Variants in GAD2 observed in about 807,000 individuals in gnomAD.
GAD2 encodes glutamate decarboxylase 2, also known as 65 kDa glutamic acid decarboxylase.
Under a neutral mutation model 80.1 loss-of-function variants are expected in GAD2, and 22 were observed. The observed-to-expected ratio is 0.27, with a 90% CI of 0.20 to 0.39. The LOEUF (loss-of-function observed/expected upper bound fraction) is 0.39. GAD2 is among the 10% of genes least tolerant of loss of function. The pLI, the probability that GAD2 is intolerant of heterozygous loss-of-function variation, is 1.00. For missense variants in GAD2, 624 were observed against 738.4 expected, an observed-to-expected ratio of 0.85 and a Z score of 1.80; for synonymous variants, 274 against 256.9, an observed-to-expected ratio of 1.07 and a Z score of -0.64.
In GAD2 at chr10:26,301,520, A is replaced by C. The variant is rs1046153025; in HGVS notation, c.*559A>C. Reference sequence around the variant, plus strand: ...TTTGTAACATATAGATTTTTATTTTATATAGGTTATACAAACTGCGGGGGC... The same window carrying C: ...TTTGTAACATATAGATTTTTATTTTCTATAGGTTATACAAACTGCGGGGGC... On this transcript the variant is annotated 3_prime_UTR_variant, in exon 16 of 16. Coordinates refer to ENST00000376261, the MANE Select transcript of GAD2 (RefSeq NM_001134366.2). The C allele has an allele frequency of 6.6e-6, 1 of 152,142 alleles. No individual in the cohort carries two copies. The highest frequency in any genetic ancestry group is 6.5e-5 in the Admixed American group (1 of 15,270). The allele number at this position is 152,142 out of a possible 1,614,324, so 9.4% of individuals were successfully genotyped here.
chr10:26,233,839 C>A (rs1844635729), intron 7 of GAD2, among the ~76,000 whole-genome samples: 1 of 152,158 alleles, frequency 6.6e-6, no homozygotes, highest in East Asian at 1.9e-4. Flanking sequence ...GGAGGGGCTG[C>A]TGTGTTGACT....
intron 11 of GAD2, 36 bp from the exon 12 acceptor site, chr10:26,280,973 G>T: frequency 6.6e-7 from 1 of 1,515,490 alleles, no homozygotes. Context: ...CTGTCAGGGT[G>T]GAGTGCCACC....
At chr10:26,285,260 C>T (rs2132315133) in intron 12 of GAD2, among the ~76,000 whole-genome samples, 1 of 152,304 alleles carries the variant, frequency 6.6e-6, no homozygotes, top group East Asian at 1.9e-4. Context: ...CTCCGTCTTT[C>T]AAAACCAAAT....
chr10:26,288,745 A>C lies in GAD2; in HGVS notation c.1386+2251A>C, dbSNP rs948189596. On this transcript the variant is annotated intron_variant, in intron 13 of 15. Coordinates refer to ENST00000376261, the MANE Select transcript of GAD2 (RefSeq NM_001134366.2). ...TCCCCTGTGGTGTTTTTATTACGGT[A>C]ATGATCATCAGTGATATTTATAGGA... Among the ~76,000 whole-genome samples the C allele has an allele frequency of 2.1e-4, 32 of 152,204 alleles. 1 individual carries two copies. Among genetic ancestry groups the C allele is most frequent in the African/African-American group, 7.7e-4 (32 of 41,460 alleles).
intron 8 of GAD2, among the ~76,000 whole-genome samples, chr10:26,261,850 T>A (rs1845012938): frequency 6.6e-6 from 1 of 152,182 alleles, no homozygotes; most frequent in South Asian, 2.1e-4. Flanking sequence ...CTTTTAGACA[T>A]CAATTGAGAT....
Position 26,217,709 on chromosome 10 carries a change from G to C in GAD2, c.136+40G>C, listed in dbSNP as rs1242652089. On this transcript the variant is annotated intron_variant, in intron 2 of 15. Transcript: ENST00000376261. The surrounding 1 kb of genome is among the most constrained non-coding windows in gnomAD (Gnocchi z 4.9). ...ACCGGGGCGGCCAAGGTCGGCCCGCGGGGTCCAAGCAGTCTTCTCACCTCC... is the reference window on the plus strand; with the variant it reads ...ACCGGGGCGGCCAAGGTCGGCCCGCCGGGTCCAAGCAGTCTTCTCACCTCC... 6.2e-7 allele frequency: 1 copy of C among 1,606,062 alleles called. No individual in the cohort carries two copies. The highest frequency in any genetic ancestry group is 8.5e-7 in the Non-Finnish European group (1 of 1,175,858).
chr10:26,240,401 T>G (rs1053640195), intron 7 of GAD2, among the ~76,000 whole-genome samples: 3 of 152,172 alleles, frequency 2.0e-5, no homozygotes, highest in Admixed American at 1.3e-4. Flanking sequence ...CCTTATTTAT[T>G]TGTGCATGTT....
intron 11 of GAD2, among the ~76,000 whole-genome samples, chr10:26,279,486 C>T (rs1378055699): frequency 6.6e-6 from 1 of 152,132 alleles, no homozygotes; most frequent in African/African-American, 2.4e-5. Flanking sequence ...GAGCCGTACC[C>T]TGTATTTGGA....
intron 8 of GAD2, among the ~76,000 whole-genome samples, chr10:26,259,098 G>A (rs1281220568): frequency 5.3e-5 from 8 of 152,178 alleles, no homozygotes; most frequent in African/African-American, 7.2e-5. Context: ...GATTACAGGC[G>A]TGAGCCACTG....
intron 7 of GAD2, among the ~76,000 whole-genome samples, chr10:26,242,194 GC>G (rs1844751774): frequency 6.6e-6 from 1 of 152,134 alleles, no homozygotes; most frequent in African/African-American, 2.4e-5. Flanking sequence ...CACCGTGTTA[GC>G]CAGGATGGTC....
chr10:26,278,798 G>A (rs1845240107), intron 11 of GAD2, among the ~76,000 whole-genome samples: 1 of 152,006 alleles, frequency 6.6e-6, no homozygotes, highest in African/African-American at 2.4e-5. Context: ...AAGACCAGAA[G>A]CTGAGCTAGA....
chr10:26,254,713 G>T (rs1844923975), intron 8 of GAD2, among the ~76,000 whole-genome samples: 1 of 152,346 alleles, frequency 6.6e-6, no homozygotes, highest in Admixed American at 6.5e-5. Flanking sequence ...GTGTTAGAAA[G>T]ATTATTTTAA....
At position 26,258,051 on chromosome 10, in the gene GAD2, G is replaced by A. The variant is rs1274079488; in HGVS notation, c.921-11068G>A. Among the ~76,000 whole-genome samples, 5 of 152,198 alleles carry A rather than the reference G, an allele frequency of 3.3e-5. No individual in the cohort carries two copies. In the South Asian group the frequency reaches 1.0e-3, roughly 32 times the overall value. On this transcript the variant is annotated intron_variant, in intron 8 of 15. Coordinates refer to ENST00000376261, the MANE Select transcript of GAD2 (RefSeq NM_001134366.2). Reference sequence around the variant, plus strand: ...GCTAGTCCTGTGTGTACTTCATTCTGCCCTATCTCAGGAAGGACTATAATA... The same window carrying A: ...GCTAGTCCTGTGTGTACTTCATTCTACCCTATCTCAGGAAGGACTATAATA...
At position 26,223,984 on chromosome 10, in the gene GAD2, A is replaced by G; in HGVS notation, c.611+7A>G. On this transcript the variant is annotated splice_region_variant and intron_variant, in intron 5 of 15. Transcript: ENST00000376261. ...CAACAGCAAATACTAACATGTAAGT[A>G]GCCAAATGTGTTTTTATGTAATTTA... 1.3e-6 allele frequency: 2 copies of G among 1,585,956 alleles called. No individual in the cohort carries two copies. Among genetic ancestry groups the G allele is most frequent in the South Asian group, 2.2e-5 (2 of 90,256 alleles).
intron 12 of GAD2, among the ~76,000 whole-genome samples, chr10:26,283,207 C>T (rs1845292912): frequency 2.0e-5 from 3 of 152,138 alleles, no homozygotes; most frequent in African/African-American, 7.2e-5. Flanking sequence ...CTGTAGCATT[C>T]GAAATATTCA....
intron 15 of GAD2, among the ~76,000 whole-genome samples, chr10:26,293,247 A>G (rs934807528): frequency 6.0e-5 from 8 of 134,100 alleles, no homozygotes; most frequent in Non-Finnish European, 1.2e-4. Flanking sequence ...GCGTGATCTC[A>G]GCTCACTGCA....
intron 13 of GAD2, 53 bp downstream of exon 13, chr10:26,286,547 G>T: frequency 6.6e-7 from 1 of 1,516,224 alleles, no homozygotes. Flanking sequence ...CCTTTATCTG[G>T]TGACCCCATT....
Position 26,219,144 on chromosome 10 carries a change from A to G in GAD2, c.388A>G (p.Thr130Ala). Residue 130 changes from threonine to alanine, a missense_variant, in exon 4 of 16, where the codon ACC becomes GCC. Physicochemically the swap from Thr to Ala is moderately conservative, Grantham distance 58. Transcript: ENST00000376261. ...TGTGGTGAAAAGTTTCGATAGATCAACCAAAGTGATTGATTTCCATTATCC... is the reference window on the plus strand; with the variant it reads ...TGTGGTGAAAAGTTTCGATAGATCAGCCAAAGTGATTGATTTCCATTATCC... ...QYVVKSFDRS[T>A]KVIDFHYPNE... 1.2e-6 allele frequency: 2 copies of G among 1,613,970 alleles called. No homozygotes were observed. Among genetic ancestry groups the G allele is most frequent in the South Asian group, 1.1e-5 (1 of 90,982 alleles).
In GAD2 at chr10:26,295,130, C is replaced by T. The variant is rs1834259022; in HGVS notation, c.1584+2139C>T. ...AACAAAAGTCAACTTGGAGGCTCCCCCTTTTAAATATCACTCTTCAAATGC... is the reference window on the plus strand; with the variant it reads ...AACAAAAGTCAACTTGGAGGCTCCCTCTTTTAAATATCACTCTTCAAATGC... On this transcript the variant is annotated intron_variant, in intron 15 of 15. Transcript: ENST00000376261. 2.0e-5 allele frequency among the ~76,000 whole-genome samples: 3 copies of T among 152,142 alleles called. No individual in the cohort carries two copies. In the South Asian group the frequency reaches 6.2e-4, roughly 32 times the overall value.
Sources: allele counts gnomAD v4.1 joint callset (sites outside exome capture counted in the v4.1 genomes callset), GRCh38; gene constraint gnomAD v4.1.1; non-coding constraint Gnocchi (gnomAD v3.1); transcripts MANE v1.5; gene names NCBI Gene and HGNC (gene_info 2026-07-23, HGNC 2026-07-21).